Variants in MPI observed in about 807,000 individuals in gnomAD.
MPI encodes mannose-6-phosphate isomerase.
Under a neutral mutation model 40.1 loss-of-function variants are expected in MPI, and 33 were observed. The ratio of observed to expected loss-of-function variants is 0.82; its 90% CI spans 0.62 to 1.10. MPI has a LOEUF of 1.10. Among genes scored for constraint, MPI ranks in the 50% least tolerant of loss-of-function variants. The pLI is 0.00. For missense variants in MPI, 514 were observed against 524.1 expected, an observed-to-expected ratio of 0.98 and a Z score of 0.19; for synonymous variants, 187 against 207.4, an observed-to-expected ratio of 0.90 and a Z score of 0.85.
chr15:74,892,306 C>G (rs2064739064), intron 3 of MPI, among the ~76,000 whole-genome samples: 2 of 152,174 alleles, frequency 1.3e-5, no homozygotes, highest in African/African-American at 4.8e-5. Context: ...CTCCTTATTT[C>G]TAGATACACA....
chr15:74,891,544 G>A lies in MPI; in HGVS notation c.310G>A (p.Glu104Lys). The change falls in exon 3 of 8, where the codon GAA becomes AAA. Residue 104 changes from glutamate to lysine, a missense_variant. Coordinates refer to ENST00000352410, the MANE Select transcript of MPI (RefSeq NM_002435.3). ...LPFLFKVLSV[E>K]TPLSIQAHPN... ...CTTCCTCTTCAAAGTGCTCTCAGTT[G>A]AAACACCCCTGTCCATCCAGGCACA... 2 of 1,614,188 alleles carry A rather than the reference G, an allele frequency of 1.2e-6. No homozygotes were observed. The highest frequency in any genetic ancestry group is 1.1e-5 in the South Asian group (1 of 91,086).
chr15:74,897,536 A>G lies in MPI; in HGVS notation c.1078A>G (p.Lys360Glu). Residue 360 changes from lysine (K) to glutamate (E), a missense_variant, in exon 8 of 8, where the codon AAG becomes GAG. By Grantham distance (56) the Lys-to-Glu change is moderately conservative (BLOSUM62 1). Transcript: ENST00000352410. ...TEVPGSVTEYKVLALDSASIL... is the reference protein window; with the variant it reads ...TEVPGSVTEYEVLALDSASIL... ...GGTCCCTGGCTCTGTCACTGAATAC[A>G]AGGTCTTGGCACTGGACTCTGCCAG... is the stretch of plus-strand genomic sequence containing the variant. 6.2e-7 allele frequency: 1 copy of G among 1,613,986 alleles called. No individual in the cohort carries two copies. The highest frequency in any genetic ancestry group is 8.5e-7 in the Non-Finnish European group (1 of 1,179,926).
intron 3 of MPI, 129 bp downstream of exon 3, chr15:74,891,708 A>C (rs1039574972): frequency 1.0e-6 from 1 of 999,510 alleles, no homozygotes; most frequent in African/African-American, 1.6e-5. Context: ...CCAGGCTGAC[A>C]ACTCCCAATT....
intron 6 of MPI, 125 bp downstream of exon 6, chr15:74,896,450 G>A: frequency 9.1e-7 from 1 of 1,097,002 alleles, no homozygotes; most frequent in Admixed American, 2.0e-5. Flanking sequence ...TGACCTCTGA[G>A]GGTTCCTGGG....
Position 74,897,887 on chromosome 15 carries a change from C to T in MPI, c.*157C>T. On this transcript the variant is annotated 3_prime_UTR_variant, in exon 8 of 8. Coordinates refer to ENST00000352410, the MANE Select transcript of MPI (RefSeq NM_002435.3). Reference sequence around the variant, plus strand: ...GGAGGAGGGAGCGTGAAGGTAGTGACTCCTGAACACACCCAGGTGGAACCA... The same window carrying T: ...GGAGGAGGGAGCGTGAAGGTAGTGATTCCTGAACACACCCAGGTGGAACCA... 1 of 739,750 alleles carries T rather than the reference C, an allele frequency of 1.4e-6. No individual in the cohort carries two copies. The highest frequency in any genetic ancestry group is 1.5e-5 in the South Asian group (1 of 67,166). 45.8% of individuals were successfully genotyped at this position (739,750 alleles called of 1,614,324 possible).
chr15:74,895,580 G>A, intron 5 of MPI: 1 of 142,504 alleles, frequency 7.0e-6, no homozygotes, highest in Admixed American at 7.2e-5. Context: ...GTGACAGCGA[G>A]ACCCCGTCTC....
chr15:74,890,976 TA>T, intron 2 of MPI: 1 of 566,942 alleles, frequency 1.8e-6, no homozygotes, highest in Non-Finnish European at 3.3e-6. Flanking sequence ...CCTGCCTATT[TA>T]GTGGAGAAAA....
chr15:74,890,481 G>T (rs781053774), intron 1 of MPI, 46 bp from the exon 2 acceptor site: 3 of 1,613,178 alleles, frequency 1.9e-6, no homozygotes, highest in South Asian at 2.2e-5. Flanking sequence ...ACACTAGGGT[G>T]GGGCCTGAGG....
rs140357682 is a variant in MPI, at chr15:74,890,060, T to C, written c.-14T>C. 117 of 1,606,544 alleles carry C rather than the reference T, an allele frequency of 7.3e-5. No individual in the cohort carries two copies. The highest frequency in any genetic ancestry group is 5.2e-4 in the African/African-American group (39 of 75,042). ...GAAAGGCATACGTGCTTAATCCTGG[T>C]GCAGGGGGCGAGCATGGCCGCTCCG... On this transcript the variant is annotated 5_prime_UTR_variant, in exon 1 of 8. Coordinates refer to ENST00000352410, the MANE Select transcript of MPI (RefSeq NM_002435.3).
At position 74,890,557 on chromosome 15, in the gene MPI, A is replaced by G. The variant is rs749914784; in HGVS notation, c.47A>G (p.Tyr16Cys). The G allele has an allele frequency of 6.2e-7, 1 of 1,614,058 alleles. No individual in the cohort carries two copies. Among genetic ancestry groups the G allele is most frequent in the Non-Finnish European group, 8.5e-7 (1 of 1,180,034 alleles). The change falls in exon 2 of 8, where the codon TAT (tyrosine) becomes TGT (cysteine). Residue 16 changes from tyrosine to cysteine, a missense_variant. Coordinates refer to ENST00000352410, the MANE Select transcript of MPI (RefSeq NM_002435.3). Reference protein sequence around the residue: ...VFPLSCAVQQYAWGKMGSNSE... With the variant: ...VFPLSCAVQQCAWGKMGSNSE... ...CCACTTTCCTGTGCGGTGCAGCAGT[A>G]TGCCTGGGGGAAGATGGGTTCCAAC... is the stretch of plus-strand genomic sequence containing the variant.
chr15:74,897,665 A>T lies in MPI; in HGVS notation c.1207A>T (p.Ser403Cys), dbSNP rs916251037. 3.1e-6 allele frequency: 5 copies of T among 1,614,000 alleles called. No individual in the cohort carries two copies. In the Admixed American group the frequency reaches 5.0e-5, roughly 16 times the overall value. The part of the protein sequence containing the change: ...GGVLFIGANE[S>C]VSLKLTEPKD... ...CGTGCTCTTCATTGGGGCCAATGAGAGTGTCTCACTGAAGCTTACTGAGCC... is the reference window on the plus strand; with the variant it reads ...CGTGCTCTTCATTGGGGCCAATGAGTGTGTCTCACTGAAGCTTACTGAGCC... Residue 403 changes from serine to cysteine, a missense_variant, in exon 8 of 8, where the codon AGT becomes TGT. Ser to Cys is a moderately radical substitution (Grantham distance 112). Coordinates refer to ENST00000352410, the MANE Select transcript of MPI (RefSeq NM_002435.3).
rs2064847060 is a variant in MPI at position 74,897,902 on chromosome 15, A to C, written c.*172A>C. 5 of 698,916 alleles carry C rather than the reference A, an allele frequency of 7.2e-6. No homozygotes were observed. In the Admixed American group the frequency reaches 8.2e-5, roughly 11 times the overall value. The allele number at this position is 698,916 out of a possible 1,614,324, so 43.3% of individuals were successfully genotyped here. A position where few individuals can be genotyped will look rare whatever the true frequency, so the allele number is the denominator to read the frequency against. The stretch of plus-strand genomic sequence containing the variant: ...AAGGTAGTGACTCCTGAACACACCC[A>C]GGTGGAACCATCTTTGGGGAGGAGA... On this transcript the variant is annotated 3_prime_UTR_variant, in exon 8 of 8. Transcript: ENST00000352410.
intron 4 of MPI, 33 bp from the exon 5 acceptor site, chr15:74,893,105 C>T (rs957553731): frequency 8.7e-6 from 14 of 1,612,680 alleles, no homozygotes; most frequent in Non-Finnish European, 1.2e-5. Flanking sequence ...CTTACCATTC[C>T]TGATATGGGC....
intron 6 of MPI, 101 bp from the exon 7 acceptor site, chr15:74,896,910 C>T: frequency 1.8e-6 from 2 of 1,098,424 alleles, no homozygotes; most frequent in South Asian, 1.3e-5. Context: ...GAAATTTTTA[C>T]CTAACTTGGC....
chr15:74,892,319 G>T (rs2064739216), intron 3 of MPI, among the ~76,000 whole-genome samples: 1 of 152,220 alleles, frequency 6.6e-6, no homozygotes, highest in African/African-American at 2.4e-5. Context: ...GATACACAAA[G>T]TAAGACCCAG....
chr15:74,897,240 G>T, intron 7 of MPI, 21 bp downstream of exon 7: 6 of 1,610,426 alleles, frequency 3.7e-6, no homozygotes, highest in South Asian at 1.1e-5. Context: ...GGCTATGATG[G>T]GTGTCCTTCG....
rs2064852871 is a variant in MPI at position 74,898,205 on chromosome 15, C to T, written c.*475C>T. 3.7e-6 allele frequency: 1 copy of T among 267,432 alleles called. No individual in the cohort carries two copies. The highest frequency in any genetic ancestry group is 7.5e-6 in the Non-Finnish European group (1 of 134,218). 16.6% of individuals were successfully genotyped at this position (267,432 alleles called of 1,614,324 possible). A position where few individuals can be genotyped will look rare whatever the true frequency, so the allele number is the denominator to read the frequency against. On this transcript the variant is annotated 3_prime_UTR_variant, in exon 8 of 8. Coordinates refer to ENST00000352410, the MANE Select transcript of MPI (RefSeq NM_002435.3). The stretch of plus-strand genomic sequence containing the variant: ...TGTTTACACCCTTGTTCTGTCAAAG[C>T]AATTAAAGATCACTTGTGTTGAGGC...
At chr15:74,893,642 G>T (rs934373021) in intron 5 of MPI, 8 of 592,806 alleles carry the variant, frequency 1.3e-5, no homozygotes, top group African/African-American at 1.1e-4. Flanking sequence ...GGATGGACTT[G>T]TATCTCGGGG....
intron 5 of MPI, among the ~76,000 whole-genome samples, chr15:74,894,738 G>C (rs1464294594): frequency 1.3e-5 from 2 of 149,054 alleles, no homozygotes; most frequent in Admixed American, 1.3e-4. Context: ...AGTGAGTCTA[G>C]ATTGCACCAC....
Sources: allele counts gnomAD v4.1 joint callset (sites outside exome capture counted in the v4.1 genomes callset), GRCh38; gene constraint gnomAD v4.1.1; transcripts MANE v1.5; gene names NCBI Gene and HGNC (gene_info 2026-07-23, HGNC 2026-07-21).